The following IFT57 variants were observed in gnomAD, a reference collection of about 807,000 sequenced individuals.
IFT57 encodes intraflagellar transport 57, also known as intraflagellar transport protein 57 homolog.
IFT57 carries 59 observed loss-of-function variants against 56.8 expected under a neutral mutation model. The ratio of observed to expected loss-of-function variants is 1.04; its 90% CI spans 0.84 to 1.29. IFT57 has a LOEUF of 1.29. Among genes scored for constraint, IFT57 ranks in the 50% most tolerant of loss-of-function variants. The pLI, the probability that IFT57 is intolerant of heterozygous loss-of-function variation, is 0.00. For missense variants in IFT57, 470 were observed against 522.1 expected (o/e 0.90, Z 0.97); for synonymous variants, 209 against 186.1 (o/e 1.12, Z -1.00).
chr3:108,214,366 C>A (rs937319681), intron 3 of IFT57, among the ~76,000 whole-genome samples: 1 of 152,090 alleles, frequency 6.6e-6, no homozygotes, highest in African/African-American at 2.4e-5. Context: ...ATGTAATTGG[C>A]AGCCTATGAC....
At chr3:108,191,708 T>C in intron 5 of IFT57, 65 bp from the exon 6 acceptor site, 1 of 1,232,476 alleles carries the variant, frequency 8.1e-7, no homozygotes, top group Non-Finnish European at 1.2e-6. Flanking sequence ...ATTTGAGGCA[T>C]TTTAGCAGTA....
chr3:108,218,000 G>GTTAA, intron 3 of IFT57, among the ~76,000 whole-genome samples: 1 of 70,730 alleles, frequency 1.4e-5, no homozygotes, highest in Non-Finnish European at 3.6e-5. Context: ...TATACCATAG[G>GTTAA]ATAAATATAA....
At chr3:108,200,598 C>T (rs1430106827) in intron 5 of IFT57, among the ~76,000 whole-genome samples, 1 of 151,984 alleles carries the variant, frequency 6.6e-6, no homozygotes, top group African/African-American at 2.4e-5. Context: ...GAACTATAAC[C>T]TACCTATTTA....
chr3:108,183,460 T>C (rs2080162784), intron 6 of IFT57, among the ~76,000 whole-genome samples: 2 of 152,154 alleles, frequency 1.3e-5, no homozygotes, highest in Non-Finnish European at 1.5e-5. Context: ...CCACTTTCAA[T>C]GTAGGACCAA....
chr3:108,165,462 C>A lies in IFT57; in HGVS notation c.1013G>T (p.Gly338Val), dbSNP rs1259049398. The change falls in exon 9 of 11, where the codon GGA (glycine) becomes GTA (valine). Residue 338 changes from glycine to valine, a missense_variant. Coordinates refer to ENST00000264538, the MANE Select transcript of IFT57 (RefSeq NM_018010.4). Reference protein sequence around the residue: ...AKERYQQGNGGVTERTRLLSE... With the variant: ...AKERYQQGNGVVTERTRLLSE... ...GAGGAGTCTGGTTCTTTCCGTCACT[C>A]CTCCATTTCCCTGCTGGTATCGCTC... 1 of 1,612,798 alleles carries A rather than the reference C, an allele frequency of 6.2e-7. No homozygotes were observed. Among genetic ancestry groups the A allele is most frequent in the Non-Finnish European group, 8.5e-7 (1 of 1,179,098 alleles).
Position 108,222,311 on chromosome 3 carries a change from A to G in IFT57, c.12T>C (p.Ala4=). 1 of 1,611,392 alleles carries G rather than the reference A, an allele frequency of 6.2e-7. No individual in the cohort carries two copies. Among genetic ancestry groups the G allele is most frequent in the Non-Finnish European group, 8.5e-7 (1 of 1,178,654 alleles). The change falls in exon 1 of 11, where the codon GCT becomes GCC. Residue 4 remains alanine, a synonymous_variant. Coordinates refer to ENST00000264538, the MANE Select transcript of IFT57 (RefSeq NM_018010.4). MTA[A]LAVVTTSGLE... ...AACCCGACGTCGTGACGACGGCCAGAGCAGCAGTCATCGCAGAACGGACAG... is the reference window on the plus strand; with the variant it reads ...AACCCGACGTCGTGACGACGGCCAGGGCAGCAGTCATCGCAGAACGGACAG...
intron 6 of IFT57, among the ~76,000 whole-genome samples, chr3:108,188,995 C>T (rs1333573042): frequency 6.6e-6 from 1 of 152,080 alleles, no homozygotes; most frequent in Admixed American, 6.6e-5. Context: ...TCCAACTATA[C>T]AATTATTTTA....
At chr3:108,214,194 A>C (rs976336720) in intron 3 of IFT57, among the ~76,000 whole-genome samples, 173 bp from the exon 4 acceptor site, 1 of 152,164 alleles carries the variant, frequency 6.6e-6, no homozygotes, top group Non-Finnish European at 1.5e-5. Context: ...GTAAAAAGCA[A>C]AAGTGTTTAT....
rs755173528 is a variant in IFT57, at chr3:108,206,670, G to A, written c.612C>T (p.Asn204=). The A allele has an allele frequency of 7.2e-7, 1 of 1,379,688 alleles. No homozygotes were observed. The highest frequency in any genetic ancestry group is 9.6e-7 in the Non-Finnish European group (1 of 1,037,160). The allele number at this position is 1,379,688 out of a possible 1,614,324, so 85.5% of individuals were successfully genotyped here. The change falls in exon 5 of 11, where the codon AAC becomes AAT. Residue 204 remains asparagine, a synonymous_variant. Coordinates refer to ENST00000264538, the MANE Select transcript of IFT57 (RefSeq NM_018010.4). ...FVEEETDNEE[N]FIDLNVLKAQ... ...CCTTTAAAACGTTGAGATCAATAAA[G>A]TTTTCTTCATTATCTGTCTCTTCTT...
intron 5 of IFT57, among the ~76,000 whole-genome samples, chr3:108,203,269 C>T (rs35595234): frequency 0.24 from 36,025 of 152,180 alleles, 5,870 homozygotes; most frequent in Non-Finnish European, 0.34. Flanking sequence ...CTTTCCTCTC[C>T]CTTCCTTTCA....
intron 6 of IFT57, among the ~76,000 whole-genome samples, chr3:108,183,665 A>T (rs13326673): frequency 0.096 from 14,647 of 152,164 alleles, 766 homozygotes; most frequent in Middle Eastern, 0.12. Context: ...GGTGGCTGAC[A>T]CCCTTGCTAT....
chr3:108,192,188 AAAAAAAAAG>A, intron 5 of IFT57, among the ~76,000 whole-genome samples: 1 of 149,234 alleles, frequency 6.7e-6, no homozygotes, highest in East Asian at 2.0e-4. Flanking sequence ...AAAAAAAAAA[AAAAAAAAAG>A]GGAAACACTT....
At chr3:108,184,660 T>C (rs2080170719) in intron 6 of IFT57, among the ~76,000 whole-genome samples, 1 of 152,164 alleles carries the variant, frequency 6.6e-6, no homozygotes, top group Non-Finnish European at 1.5e-5. Context: ...AAATTAACTG[T>C]AGTACAATCT....
At chr3:108,214,106 T>C (rs2108327374) in intron 3 of IFT57, 85 bp from the exon 4 acceptor site, 2 of 714,174 alleles carry the variant, frequency 2.8e-6, no homozygotes, top group Non-Finnish European at 2.3e-6. Flanking sequence ...ATGTCCTCTA[T>C]GCCAGGTTTT....
chr3:108,189,873 GTAAAC>G (rs2080205446), intron 6 of IFT57, among the ~76,000 whole-genome samples: 1 of 151,306 alleles, frequency 6.6e-6, no homozygotes, highest in Non-Finnish European at 1.5e-5. Context: ...TTACAGCAAA[GTAAAC>G]TAAAGAAAAT....
intron 6 of IFT57, among the ~76,000 whole-genome samples, chr3:108,175,052 T>C (rs2080116527): frequency 6.6e-6 from 1 of 151,820 alleles, no homozygotes; most frequent in Non-Finnish European, 1.5e-5. Flanking sequence ...CTCAAAACAG[T>C]GTATTTTCCG....
rs948971093 is a variant in IFT57, at chr3:108,160,879, C to T, written c.*1598G>A. On this transcript the variant is annotated 3_prime_UTR_variant, in exon 11 of 11. Transcript: ENST00000264538. ...TAGGAAGAGAGGAGGAGCACAGAAC[C>T]CAAGCTGAGTTAACTGGAATATTTC... The T allele has an allele frequency of 2.0e-5, 3 of 152,080 alleles. No homozygotes were observed. The highest frequency in any genetic ancestry group is 7.2e-5 in the African/African-American group (3 of 41,396). The allele number at this position is 152,080 out of a possible 1,614,324, so 9.4% of individuals were successfully genotyped here. A position where few individuals can be genotyped will look rare whatever the true frequency, so the allele number is the denominator to read the frequency against.
intron 5 of IFT57, among the ~76,000 whole-genome samples, chr3:108,203,645 C>A (rs948962010): frequency 6.6e-6 from 1 of 152,084 alleles, no homozygotes; most frequent in Non-Finnish European, 1.5e-5. Flanking sequence ...TGTATTCATA[C>A]AATATTATTG....
At chr3:108,202,687 T>G (rs576712653) in intron 5 of IFT57, among the ~76,000 whole-genome samples, 4 of 152,338 alleles carry the variant, frequency 2.6e-5, no homozygotes, top group African/African-American at 9.6e-5. Context: ...TGGTGGAAGA[T>G]GAAGCAATGC....
Sources: gnomAD v4.1 joint callset for allele counts (sites outside exome capture counted in the v4.1 genomes callset) on GRCh38, gnomAD v4.1.1 for gene constraint, MANE v1.5 for transcripts, NCBI Gene and HGNC (gene_info 2026-07-23, HGNC 2026-07-21) for gene names.